The following COL5A2 variants were observed in gnomAD, a reference collection of about 807,000 sequenced individuals.
COL5A2 encodes collagen type V alpha 2 chain.
A neutral mutation model predicts 208.2 loss-of-function variants in COL5A2; 23 were observed. The ratio of observed to expected loss-of-function variants is 0.11; its 90% CI spans 0.08 to 0.16. The LOEUF is 0.16. Ranked by LOEUF, COL5A2 falls within the 10% of genes least tolerant of loss-of-function variation. The pLI, the probability that COL5A2 is intolerant of heterozygous loss-of-function variation, is 1.00. For missense variants in COL5A2, 1,590 were observed against 1,956.4 expected (o/e 0.81, Z 3.53); for synonymous variants, 625 against 628.5 (o/e 0.99, Z 0.08).
At position 189,224,764 on chromosome 2, in the gene COL5A2, A is replaced by G. The variant is rs896096830; in HGVS notation, c.-42+384T>C. 5.9e-5 allele frequency among the ~76,000 whole-genome samples: 9 copies of G among 152,266 alleles called. No homozygotes were observed. In the East Asian group the frequency reaches 9.7e-4, roughly 16 times the overall value. On this transcript the variant is annotated intron_variant, in intron 1 of 10. Coordinates refer to the COL5A2 transcript ENST00000649966. The stretch of plus-strand genomic sequence containing the variant: ...CATGAATAGCAATTCTAAGCATGAC[A>G]TAAGTTTTTCAACTTGAAAAGTCAA...
chr2:189,090,225 A>C (rs1462922305), intron 7 of COL5A2, among the ~76,000 whole-genome samples: 6 of 152,338 alleles, frequency 3.9e-5, no homozygotes, highest in Admixed American at 2.6e-4. Flanking sequence ...GTCTGGATAG[A>C]AGATCAAACC....
the COL5A2 span, among the ~76,000 whole-genome samples, chr2:189,262,923 A>T: frequency 6.6e-6 from 1 of 152,130 alleles, no homozygotes; most frequent in Non-Finnish European, 1.5e-5. Context: ...CTAAATTATT[A>T]TGGTCAGATT....
the COL5A2 span, among the ~76,000 whole-genome samples, chr2:189,283,397 C>T: frequency 7.2e-5 from 11 of 152,064 alleles, no homozygotes; most frequent in Non-Finnish European, 1.3e-4. Context: ...AACTCAATCT[C>T]TGTGGTCTTC....
the COL5A2 span, among the ~76,000 whole-genome samples, chr2:189,328,869 G>A: frequency 6.6e-6 from 1 of 152,206 alleles, no homozygotes. Context: ...GGAAGTGATT[G>A]ACAACTTCAT....
At chr2:189,238,648 T>A in the COL5A2 span, among the ~76,000 whole-genome samples, 1 of 152,040 alleles carries the variant, frequency 6.6e-6, no homozygotes, top group Non-Finnish European at 1.5e-5. Flanking sequence ...AAACTTACAA[T>A]CATGGCAGAA....
At chr2:189,396,657 G>C in the COL5A2 span, among the ~76,000 whole-genome samples, 729 of 118,326 alleles carry the variant, frequency 6.2e-3, 7 homozygotes, top group South Asian at 0.012. Flanking sequence ...CTGGGTAACA[G>C]AGCAAGACTC....
At chr2:189,247,432 T>G in the COL5A2 span, among the ~76,000 whole-genome samples, 3 of 152,078 alleles carry the variant, frequency 2.0e-5, no homozygotes, top group African/African-American at 7.2e-5. Flanking sequence ...ACAACACATA[T>G]TTGAGTCCGA....
At chr2:189,329,271 T>G in the COL5A2 span, among the ~76,000 whole-genome samples, 2 of 152,144 alleles carry the variant, frequency 1.3e-5, no homozygotes, top group Non-Finnish European at 1.5e-5. Context: ...AATCTAAGAA[T>G]GTCTAACTCA....
chr2:189,090,839 A>C (rs562590408), intron 7 of COL5A2, among the ~76,000 whole-genome samples: 1 of 152,342 alleles, frequency 6.6e-6, no homozygotes, highest in South Asian at 2.1e-4. Flanking sequence ...GAAACAAAGG[A>C]TTCCTTTCAA....
chr2:189,308,658 C>G, the COL5A2 span, among the ~76,000 whole-genome samples: 1 of 152,146 alleles, frequency 6.6e-6, no homozygotes, highest in African/African-American at 2.4e-5. Flanking sequence ...AACCCCTTAT[C>G]TTAACCTAGA....
At chr2:189,288,046 C>G in the COL5A2 span, among the ~76,000 whole-genome samples, 1 of 151,890 alleles carries the variant, frequency 6.6e-6, no homozygotes, top group African/African-American at 2.4e-5. Context: ...ATGACAAGAA[C>G]AGCTACACTA....
At chr2:189,061,493 CTT>C (rs111688859) in intron 30 of COL5A2, 67 bp downstream of exon 30, 389 of 1,134,036 alleles carry the variant, frequency 3.4e-4, no homozygotes, top group Non-Finnish European at 4.1e-4. Context: ...CTGACCATAT[CTT>C]TTTTTTTAAA....
At chr2:189,366,789 C>T in the COL5A2 span, among the ~76,000 whole-genome samples, 11 of 152,180 alleles carry the variant, frequency 7.2e-5, no homozygotes, top group African/African-American at 2.7e-4. Flanking sequence ...TAGCTACATG[C>T]AGGGAATCAA....
chr2:189,268,476 A>C, the COL5A2 span, among the ~76,000 whole-genome samples: 4 of 152,264 alleles, frequency 2.6e-5, no homozygotes, highest in Non-Finnish European at 5.9e-5. Flanking sequence ...TTTTTCAGAC[A>C]AACACCCTAC....
At chr2:189,342,005 T>C in the COL5A2 span, among the ~76,000 whole-genome samples, 41 of 152,188 alleles carry the variant, frequency 2.7e-4, no homozygotes, top group African/African-American at 9.9e-4. Context: ...CTGAACTACC[T>C]GAAATAAGCA....
At chr2:189,146,038 C>T (rs1576555038) in intron 1 of COL5A2, among the ~76,000 whole-genome samples, 1 of 151,994 alleles carries the variant, frequency 6.6e-6, no homozygotes, top group Non-Finnish European at 1.5e-5. Context: ...TGAAAAGGCA[C>T]CTACAACTAA....
At chr2:189,291,527 A>G in the COL5A2 span, among the ~76,000 whole-genome samples, 3 of 152,032 alleles carry the variant, frequency 2.0e-5, no homozygotes, top group Admixed American at 2.0e-4. Flanking sequence ...TTTCCCCACA[A>G]CTTTATTAGG....
chr2:189,182,577 CA>C (rs1196253112), upstream of COL5A2, among the ~76,000 whole-genome samples: 2 of 151,864 alleles, frequency 1.3e-5, no homozygotes, highest in African/African-American at 2.4e-5. Context: ...GAGTAAGCAC[CA>C]AAAATCACCC....
At chr2:189,425,303 A>C in the COL5A2 span, among the ~76,000 whole-genome samples, 1 of 152,236 alleles carries the variant, frequency 6.6e-6, no homozygotes, top group East Asian at 1.9e-4. Flanking sequence ...TTTCCTCAAA[A>C]AATAAAAAAA....
Sources: allele counts gnomAD v4.1 joint callset (sites outside exome capture counted in the v4.1 genomes callset), GRCh38; gene constraint gnomAD v4.1.1; transcripts MANE v1.5; gene names NCBI Gene and HGNC (gene_info 2026-07-23, HGNC 2026-07-21).